WDR59: variants seen among roughly 807,000 people sequenced by gnomAD.
WDR59 encodes GATOR2 complex protein WDR59.
WDR59 carries 100 observed loss-of-function variants against 131.2 expected under a neutral mutation model. The observed-to-expected ratio is 0.76, with a 90% CI of 0.65 to 0.90. The LOEUF is 0.90. WDR59 is among the 40% of genes least tolerant of loss of function. WDR59 has a pLI of 0.00. For missense variants in WDR59, 1,203 were observed against 1,262.2 expected (o/e 0.95, Z 0.71); for synonymous variants, 601 against 466.2 (o/e 1.29, Z -3.72).
intron 2 of WDR59, chr16:74,962,711 T>C (rs950037792): frequency 1.3e-5 from 2 of 152,232 alleles, no homozygotes; most frequent in East Asian, 1.9e-4. Context: ...TTCCTAGATA[T>C]AGGATCATGT....
intron 1 of WDR59, among the ~76,000 whole-genome samples, chr16:74,970,863 GACA>G (rs2033955284): frequency 1.3e-5 from 2 of 151,422 alleles, no homozygotes; most frequent in Admixed American, 1.3e-4. Flanking sequence ...GACCAGCCTG[GACA>G]ACATGATTAA....
At chr16:74,951,583 G>A (rs1339164283) in intron 3 of WDR59, 40 bp from the exon 4 acceptor site, 6 of 1,532,390 alleles carry the variant, frequency 3.9e-6, no homozygotes, top group Non-Finnish European at 5.3e-6. Context: ...AAGTATGTTG[G>A]GATATATGGT....
Position 74,915,999 on chromosome 16 carries a change from C to A in WDR59, c.1100-5G>T. 6.2e-7 allele frequency: 1 copy of A among 1,614,128 alleles called. No homozygotes were observed. The highest frequency in any genetic ancestry group is 8.5e-7 in the Non-Finnish European group (1 of 1,180,010). On this transcript the variant is annotated splice_region_variant and splice_polypyrimidine_tract_variant and intron_variant, in intron 12 of 25. Transcript: ENST00000262144. Reference sequence around the variant, plus strand: ...TAGGGGGATCTTCTTTTAGGGCTAGCAGGAGAGAGAAGTTCAATGTTGGAA... The same window carrying A: ...TAGGGGGATCTTCTTTTAGGGCTAGAAGGAGAGAGAAGTTCAATGTTGGAA...
At chr16:74,949,595 T>C in intron 5 of WDR59, 123 bp downstream of exon 5, 1 of 755,662 alleles carries the variant, frequency 1.3e-6, no homozygotes, top group Admixed American at 2.6e-5. Flanking sequence ...TGCGCTCAAA[T>C]CTCTCACTCA....
chr16:74,937,298 A>G (rs564200305), intron 8 of WDR59, among the ~76,000 whole-genome samples: 4 of 152,236 alleles, frequency 2.6e-5, no homozygotes, highest in Admixed American at 1.3e-4. Flanking sequence ...AATCACTAAT[A>G]AAATGACTCT....
intron 2 of WDR59, among the ~76,000 whole-genome samples, chr16:74,961,493 C>G (rs2033564400): frequency 6.6e-6 from 1 of 152,164 alleles, no homozygotes; most frequent in Non-Finnish European, 1.5e-5. Context: ...GCCACTCTGA[C>G]TGGCGAGAGA....
rs930331090 is a variant in WDR59, at chr16:74,985,110, A to T, written c.-93T>A. ...ACCGTGCGCCCCACACAGCCAGAGA[A>T]TCAGCCCCGACACGCCCCGTGCCCT... On this transcript the variant is annotated 5_prime_UTR_variant, in exon 1 of 26. Transcript: ENST00000262144. The T allele has an allele frequency of 1.6e-6, 2 of 1,289,432 alleles. No homozygotes were observed. Among genetic ancestry groups the T allele is most frequent in the African/African-American group, 1.5e-5 (1 of 67,804 alleles). The allele number at this position is 1,289,432 out of a possible 1,614,324, so 79.9% of individuals were successfully genotyped here.
rs59914217 is a variant in WDR59, at chr16:74,960,753, T to TA, written c.105-4144dup. Reference sequence around the variant, plus strand: ...ACAGAGCAAGATTCCGTCTCAAAAATAAAAAAAAAAAAAAAAAGAGAGAGA... The same window carrying TA: ...ACAGAGCAAGATTCCGTCTCAAAAATAAAAAAAAAAAAAAAAAAGAGAGAGA... On this transcript the variant is annotated intron_variant, in intron 2 of 25. Coordinates refer to ENST00000262144, the MANE Select transcript of WDR59 (RefSeq NM_030581.4). Among the ~76,000 whole-genome samples, 299 of 118,726 alleles carry TA rather than the reference T, an allele frequency of 2.5e-3. 1 individual carries two copies. The highest frequency in any genetic ancestry group is 4.5e-3 in the Middle Eastern group (1 of 222). 77.9% of individuals were successfully genotyped at this position (118,726 alleles called of 152,430 possible). A position where few individuals can be genotyped will look rare whatever the true frequency, so the allele number is the denominator to read the frequency against.
Position 74,916,117 on chromosome 16 carries a change from G to T in WDR59, c.1099+10C>A. 1 of 1,614,162 alleles carries T rather than the reference G, an allele frequency of 6.2e-7. No homozygotes were observed. Among genetic ancestry groups the T allele is most frequent in the Non-Finnish European group, 8.5e-7 (1 of 1,180,028 alleles). On this transcript the variant is annotated intron_variant, in intron 12 of 25. Coordinates refer to ENST00000262144, the MANE Select transcript of WDR59 (RefSeq NM_030581.4). ...GGCACCTTACCTGAGACATCAGTTT[G>T]ACAAATTACCTTCTTCCTCCCCATG...
chr16:74,938,172 G>C lies in WDR59; in HGVS notation c.629C>G (p.Ser210Cys). 1 of 1,572,014 alleles carries C rather than the reference G, an allele frequency of 6.4e-7. No individual in the cohort carries two copies. Among genetic ancestry groups the C allele is most frequent in the African/African-American group, 1.4e-5 (1 of 72,968 alleles). ...HPDSEHILAT[S>C]SQDNSVKFWD... ...GACCTTCACAGAATTGTCTTGACTG[G>C]AGGTAGCAAGAATGTGCTCGCTGTC... The change falls in exon 8 of 26, where the codon TCC (serine) becomes TGC (cysteine). Residue 210 changes from serine to cysteine, a missense_variant. Transcript: ENST00000262144.
intron 8 of WDR59, among the ~76,000 whole-genome samples, chr16:74,926,640 T>C (rs1486119239): frequency 5.9e-5 from 9 of 152,324 alleles, no homozygotes; most frequent in Non-Finnish European, 1.0e-4. Context: ...GGGATATATA[T>C]TCAGGCCCAA....
chr16:74,874,653 T>C (rs1244653439), intron 25 of WDR59, among the ~76,000 whole-genome samples: 1 of 152,188 alleles, frequency 6.6e-6, no homozygotes, highest in African/African-American at 2.4e-5. Context: ...TCGAGTGCAA[T>C]GGTGCAATCT....
intron 6 of WDR59, 81 bp downstream of exon 6, chr16:74,948,438 G>C: frequency 7.7e-7 from 1 of 1,295,300 alleles, no homozygotes; most frequent in Non-Finnish European, 1.1e-6. Flanking sequence ...AAAGGAATAG[G>C]AAGGAACGGG....
rs757192097 is a variant in WDR59, at chr16:74,873,972, C to A, written c.*237G>T. 5.7e-6 allele frequency: 3 copies of A among 526,970 alleles called. No individual in the cohort carries two copies. The highest frequency in any genetic ancestry group is 1.0e-5 in the Non-Finnish European group (3 of 293,454). The allele number at this position is 526,970 out of a possible 1,614,324, so 32.6% of individuals were successfully genotyped here. The stretch of plus-strand genomic sequence containing the variant: ...TAGCTCAGCCGACATAGACAACACA[C>A]AAAGCGCAGCTCTGCACTTCTGTCC... On this transcript the variant is annotated 3_prime_UTR_variant, in exon 26 of 26. Coordinates refer to ENST00000262144, the MANE Select transcript of WDR59 (RefSeq NM_030581.4).
In WDR59 at chr16:74,938,138, G is replaced by T; in HGVS notation, c.651+12C>A. The T allele has an allele frequency of 6.7e-7, 1 of 1,493,902 alleles. No homozygotes were observed. The highest frequency in any genetic ancestry group is 1.8e-4 in the Middle Eastern group (1 of 5,622). The allele number at this position is 1,493,902 out of a possible 1,614,324, so 92.5% of individuals were successfully genotyped here. A position where few individuals can be genotyped will look rare whatever the true frequency, so the allele number is the denominator to read the frequency against. On this transcript the variant is annotated intron_variant, in intron 8 of 25. Transcript: ENST00000262144. ...ACACTGCTCCTCCAACTTCCCCATGGGTGCCACTGACCTTCACAGAATTGT... is the reference window on the plus strand; with the variant it reads ...ACACTGCTCCTCCAACTTCCCCATGTGTGCCACTGACCTTCACAGAATTGT...
chr16:74,909,700 T>TA, intron 15 of WDR59, 43 bp from the exon 16 acceptor site: 1 of 1,555,170 alleles, frequency 6.4e-7, no homozygotes, highest in Non-Finnish European at 8.7e-7. Context: ...CAACCTGTCT[T>TA]AAAGCTGAAC....
chr16:74,931,087 T>C (rs1438934821), intron 8 of WDR59, among the ~76,000 whole-genome samples: 1 of 152,078 alleles, frequency 6.6e-6, no homozygotes, highest in African/African-American at 2.4e-5. Context: ...TATCTATGTG[T>C]GTTTTCCTGA....
In WDR59 at chr16:74,886,086, G is replaced by A. The variant is rs1011838497; in HGVS notation, c.2546+184C>T. 6.4e-6 allele frequency: 5 copies of A among 780,814 alleles called. No individual in the cohort carries two copies. The South Asian group carries it at 9.7e-5, about 15-fold the overall frequency. The allele number at this position is 780,814 out of a possible 1,614,324, so 48.4% of individuals were successfully genotyped here. Reference sequence around the variant, plus strand: ...CCAGCTACTCAGGAGGCTGAGGCAGGAGAATCACTTGAGCCTGGGAAGCAG... The same window carrying A: ...CCAGCTACTCAGGAGGCTGAGGCAGAAGAATCACTTGAGCCTGGGAAGCAG... On this transcript the variant is annotated intron_variant, in intron 24 of 25. Coordinates refer to ENST00000262144, the MANE Select transcript of WDR59 (RefSeq NM_030581.4).
chr16:74,975,808 C>G (rs1416137486), intron 1 of WDR59, among the ~76,000 whole-genome samples: 5 of 151,956 alleles, frequency 3.3e-5, no homozygotes, highest in Non-Finnish European at 7.4e-5. Context: ...TCCTTAACGT[C>G]TTTGTTCTTC....
Sources: allele counts gnomAD v4.1 joint callset (sites outside exome capture counted in the v4.1 genomes callset), GRCh38; gene constraint gnomAD v4.1.1; transcripts MANE v1.5; gene names NCBI Gene and HGNC (gene_info 2026-07-23, HGNC 2026-07-21).